OTC: variants seen among roughly 807,000 people sequenced by gnomAD.
OTC encodes ornithine transcarbamylase, mitochondrial.
OTC carries 3 observed loss-of-function variants against 30.3 expected under a neutral mutation model. The ratio of observed to expected loss-of-function variants is 0.10; its 90% CI spans 0.05 to 0.26. OTC has a LOEUF of 0.26. Among genes scored for constraint, OTC ranks in the 10% least tolerant of loss-of-function variants. The pLI, the probability that OTC is intolerant of heterozygous loss-of-function variation, is 1.00. For synonymous variants in OTC, 111 were observed against 99.7 expected (o/e 1.11, Z -0.67); for missense variants, 194 against 260.3 (o/e 0.75, Z 1.75).
chrX:38,408,114 A>G (rs1190198314), intron 6 of OTC, among the ~76,000 whole-genome samples: 1 of 112,240 alleles, frequency 8.9e-6, no homozygotes, highest in Non-Finnish European at 1.9e-5. Context: ...CTCTGCCCTC[A>G]CCAAACCATC....
At chrX:38,376,261 C>T (rs1482318166) in intron 3 of OTC, among the ~76,000 whole-genome samples, 1 of 111,694 alleles carries the variant, frequency 9.0e-6, no homozygotes, top group Non-Finnish European at 1.9e-5. Context: ...TAAAGGAATA[C>T]TTGTCAGGGA....
intron 8 of OTC, among the ~76,000 whole-genome samples, chrX:38,411,288 A>G (rs761190598): frequency 9.2e-6 from 1 of 108,766 alleles, no homozygotes; most frequent in Non-Finnish European, 1.9e-5. Flanking sequence ...TGAAAGGTCT[A>G]CTGTTCCACT....
At chrX:38,413,050 A>C (rs924021677) in intron 9 of OTC, among the ~76,000 whole-genome samples, 1 of 111,941 alleles carries the variant, frequency 8.9e-6, no homozygotes, top group Non-Finnish European at 1.9e-5. Context: ...CTTCCACTGC[A>C]TGTTGTTTGC....
intron 4 of OTC, among the ~76,000 whole-genome samples, chrX:38,390,068 T>C (rs1328759251): frequency 1.8e-5 from 2 of 112,162 alleles, no homozygotes; most frequent in Non-Finnish European, 3.8e-5. Flanking sequence ...AATGCCATTA[T>C]ACCCCATTCA....
At chrX:38,359,222 A>G (rs902033490) in intron 1 of OTC, among the ~76,000 whole-genome samples, 4 of 111,316 alleles carry the variant, frequency 3.6e-5, no homozygotes, top group Non-Finnish European at 7.5e-5. Flanking sequence ...ATCCAAGATT[A>G]GTCCACTCTT....
At chrX:38,340,655 A>G in the OTC span, among the ~76,000 whole-genome samples, 1 of 110,369 alleles carries the variant, frequency 9.1e-6, no homozygotes, top group African/African-American at 3.3e-5. Context: ...AAATAAGAAG[A>G]ATCAAAGTTA....
chrX:38,417,971 A>G (rs1230547117), intron 9 of OTC, among the ~76,000 whole-genome samples: 1 of 112,144 alleles, frequency 8.9e-6, no homozygotes, highest in African/African-American at 3.2e-5. Flanking sequence ...TCCCTGCACC[A>G]GATTGGTTTC....
At chrX:38,331,943 G>A in the OTC span, among the ~76,000 whole-genome samples, 1 of 110,862 alleles carries the variant, frequency 9.0e-6, no homozygotes, top group Non-Finnish European at 1.9e-5. Context: ...CCCAGGCCAC[G>A]AATTTGTACT....
Position 38,413,860 on chromosome X carries a change from A to AG in OTC, c.1005+1867dup, listed in dbSNP as rs374415385. Among the ~76,000 whole-genome samples, 930 of 106,664 alleles carry AG rather than the reference A, an allele frequency of 8.7e-3. 11 individuals are homozygous for AG. Among genetic ancestry groups the AG allele is most frequent in the African/African-American group, 0.028 (828 of 29,139 alleles). 92.6% of individuals were successfully genotyped at this position (106,664 alleles called of 115,157 possible). A position where few individuals can be genotyped will look rare whatever the true frequency, so the allele number is the denominator to read the frequency against. On this transcript the variant is annotated intron_variant, in intron 9 of 9. Coordinates refer to ENST00000039007, the MANE Select transcript of OTC (RefSeq NM_000531.6). ...AATTTTTGTATTTTTAGTGGCGGGT[A>AG]GGGGGGTTTCATCATGTTGCCCAGG...
intron 9 of OTC, among the ~76,000 whole-genome samples, chrX:38,413,262 T>G (rs2068552588): frequency 8.9e-6 from 1 of 112,114 alleles, no homozygotes; most frequent in South Asian, 3.7e-4. Flanking sequence ...GTGTAAAGCT[T>G]TTAGTATAGT....
chrX:38,362,135 TG>T (rs1004799910), intron 1 of OTC, among the ~76,000 whole-genome samples: 3 of 110,381 alleles, frequency 2.7e-5, no homozygotes, highest in African/African-American at 9.9e-5. Context: ...AAGTTGGGAG[TG>T]GGGGAAAAGG....
In OTC at chrX:38,381,378, C is replaced by T. The variant is rs1230179947; in HGVS notation, c.335C>T (p.Thr112Ile). 9 of 1,201,547 alleles carry T rather than the reference C, an allele frequency of 7.5e-6. No homozygotes were observed. Among genetic ancestry groups the T allele is most frequent in the Non-Finnish European group, 9.0e-6 (8 of 886,820 alleles). ...ALLGGHPCFLTTQDIHLGVNE... is the reference protein window; with the variant it reads ...ALLGGHPCFLITQDIHLGVNE... The stretch of plus-strand genomic sequence containing the variant: ...CTGGGAGGACATCCTTGTTTTCTTA[C>T]CACACAAGATATTCATTTGGGTGTG... Residue 112 changes from threonine (T) to isoleucine (I), a missense_variant, in exon 4 of 10, where the codon ACC (threonine) becomes ATC (isoleucine). Thr to Ile is a moderately conservative substitution (Grantham distance 89, BLOSUM62 -1). Transcript: ENST00000039007.
chrX:38,398,849 T>C (rs2068470449), intron 4 of OTC, among the ~76,000 whole-genome samples: 1 of 111,768 alleles, frequency 8.9e-6, no homozygotes. Context: ...TATTAGTTCT[T>C]CACTTAGTTC....
At chrX:38,393,954 A>G (rs778975003) in intron 4 of OTC, among the ~76,000 whole-genome samples, 11 of 111,007 alleles carry the variant, frequency 9.9e-5, no homozygotes, top group Non-Finnish European at 1.7e-4. Flanking sequence ...GTGTCTTCAT[A>G]GCTTCTCCTC....
At chrX:38,342,246 C>A in the OTC span, among the ~76,000 whole-genome samples, 4 of 109,246 alleles carry the variant, frequency 3.7e-5, no homozygotes, top group South Asian at 1.6e-3. Context: ...TAGTCTCGAA[C>A]TCCTGACCTC....
intron 9 of OTC, 85 bp downstream of exon 9, chrX:38,412,084 G>A (rs2068546940): frequency 1.0e-6 from 1 of 973,051 alleles, no homozygotes; most frequent in East Asian, 3.1e-5. Flanking sequence ...TAATAAGCAA[G>A]TGAGATTATC....
chrX:38,406,609 C>A (rs1456956596), intron 6 of OTC, among the ~76,000 whole-genome samples: 1 of 111,589 alleles, frequency 9.0e-6, no homozygotes. Flanking sequence ...TTATTGATTC[C>A]TTTTCTAAGA....
the OTC span, among the ~76,000 whole-genome samples, chrX:38,329,563 C>T: frequency 8.9e-6 from 1 of 111,924 alleles, no homozygotes; most frequent in Non-Finnish European, 1.9e-5. Flanking sequence ...CCAGAGGCTA[C>T]TCCCTTTGCA....
chrX:38,386,745 A>G (rs1167341961), intron 4 of OTC, among the ~76,000 whole-genome samples: 1 of 112,502 alleles, frequency 8.9e-6, no homozygotes, highest in East Asian at 2.8e-4. Context: ...GCTATTGTGA[A>G]TAGTGCTGCA....
Sources: gnomAD v4.1 joint callset for allele counts (sites outside exome capture counted in the v4.1 genomes callset) on GRCh38, gnomAD v4.1.1 for gene constraint, MANE v1.5 for transcripts, NCBI Gene and HGNC (gene_info 2026-07-23, HGNC 2026-07-21) for gene names.